Variants in GRIP1 observed in about 807,000 individuals in gnomAD.
The protein encoded by GRIP1 is glutamate receptor interacting protein 1.
A neutral mutation model predicts 129.9 loss-of-function variants in GRIP1; 45 were observed. The observed-to-expected ratio is 0.35, with a 90% CI of 0.27 to 0.44. The LOEUF (loss-of-function observed/expected upper bound fraction) is 0.44. Among genes scored for constraint, GRIP1 ranks in the 20% least tolerant of loss-of-function variants. GRIP1 has a pLI of 1.00. For missense variants in GRIP1, 1,196 were observed against 1,396.8 expected, an observed-to-expected ratio of 0.86 and a Z score of 2.29; for synonymous variants, 530 against 520.8, an observed-to-expected ratio of 1.02 and a Z score of -0.24.
chr12:66,581,632 C>G (rs554361728), intron 2 of GRIP1, among the ~76,000 whole-genome samples: 1 of 148,296 alleles, frequency 6.7e-6, no homozygotes, highest in Admixed American at 6.7e-5. Flanking sequence ...AACACCTCTA[C>G]GCAAATAAAC....
intron 1 of GRIP1, among the ~76,000 whole-genome samples, chr12:66,859,496 C>A (rs993920822): frequency 6.6e-6 from 1 of 151,640 alleles, no homozygotes; most frequent in Non-Finnish European, 1.5e-5. Context: ...ATAAATAATA[C>A]AAGTAGAAAA....
At chr12:66,365,184 C>A (rs1266035916) in intron 23 of GRIP1, among the ~76,000 whole-genome samples, 3 of 152,064 alleles carry the variant, frequency 2.0e-5, no homozygotes, top group Non-Finnish European at 2.9e-5. Flanking sequence ...GCCTGTAATC[C>A]CAGCACTTTG....
chr12:66,854,802 AAGTC>A (rs1264124273), intron 1 of GRIP1, among the ~76,000 whole-genome samples: 1 of 152,046 alleles, frequency 6.6e-6, no homozygotes, highest in East Asian at 1.9e-4. Flanking sequence ...ATTAAGATAG[AAGTC>A]AGTGTTGATA....
At chr12:67,012,902 AAC>A (rs1344129374) in intron 1 of GRIP1, among the ~76,000 whole-genome samples, 2 of 152,196 alleles carry the variant, frequency 1.3e-5, no homozygotes, top group Non-Finnish European at 2.9e-5. Context: ...TGTCTCTGAA[AAC>A]AGTCATTTTT....
intron 1 of GRIP1, among the ~76,000 whole-genome samples, chr12:66,925,762 A>G (rs573829697): frequency 3.4e-4 from 52 of 152,262 alleles, no homozygotes; most frequent in African/African-American, 1.1e-3. Flanking sequence ...CTCCTACCTC[A>G]GCCTCCCAAG....
intron 7 of GRIP1, among the ~76,000 whole-genome samples, chr12:66,513,160 A>T (rs1360765530): frequency 2.6e-5 from 4 of 152,072 alleles, no homozygotes; most frequent in Admixed American, 2.0e-4. Context: ...TGTTTCAGGC[A>T]TTTTATCCTC....
chr12:66,978,210 A>C (rs1238901070), intron 1 of GRIP1, among the ~76,000 whole-genome samples: 1 of 151,464 alleles, frequency 6.6e-6, no homozygotes, highest in Non-Finnish European at 1.5e-5. Flanking sequence ...AATAGACTCA[A>C]CTCTGGGAAT....
intron 1 of GRIP1, among the ~76,000 whole-genome samples, chr12:66,924,596 C>T (rs2041265685): frequency 6.6e-6 from 1 of 152,156 alleles, no homozygotes; most frequent in Admixed American, 6.6e-5. Context: ...TTATCTTGTT[C>T]TGAACTGGCT....
intron 1 of GRIP1, among the ~76,000 whole-genome samples, chr12:67,023,065 A>T (rs562763070): frequency 6.6e-6 from 1 of 152,176 alleles, no homozygotes; most frequent in African/African-American, 2.4e-5. Context: ...AGGATCAGAT[A>T]TATGTTTCAC....
At chr12:66,727,409 C>T (rs747855636) in intron 1 of GRIP1, among the ~76,000 whole-genome samples, 5 of 152,206 alleles carry the variant, frequency 3.3e-5, no homozygotes, top group Admixed American at 6.5e-5. Context: ...AGTCCTCTTG[C>T]TCTTGGGCCA....
chr12:66,392,838 G>T (rs1191567707), intron 17 of GRIP1, 22 bp from the exon 18 acceptor site: 1 of 1,609,948 alleles, frequency 6.2e-7, no homozygotes. Context: ...AATAGTAATA[G>T]GAGAGGTAGA....
intron 1 of GRIP1, among the ~76,000 whole-genome samples, chr12:67,059,143 C>G (rs867603736): frequency 6.6e-6 from 1 of 152,210 alleles, no homozygotes; most frequent in Non-Finnish European, 1.5e-5. Flanking sequence ...ACAGGTGGAA[C>G]TGAGCACACC....
chr12:66,458,814 C>T (rs751568864), intron 9 of GRIP1, among the ~76,000 whole-genome samples: 2 of 152,202 alleles, frequency 1.3e-5, no homozygotes, highest in Non-Finnish European at 2.9e-5. Context: ...TAGAACAAGT[C>T]AGGTTCCTTC....
intron 1 of GRIP1, among the ~76,000 whole-genome samples, chr12:66,637,061 A>G (rs940672007): frequency 6.6e-6 from 1 of 152,142 alleles, no homozygotes; most frequent in Non-Finnish European, 1.5e-5. Context: ...CCCATAACCC[A>G]GCCAGGCCGC....
intron 2 of GRIP1, among the ~76,000 whole-genome samples, chr12:66,545,717 T>C (rs1394938761): frequency 6.6e-6 from 1 of 152,188 alleles, no homozygotes; most frequent in East Asian, 1.9e-4. Flanking sequence ...ATTCCTGCCA[T>C]CTAAGAACTA....
chr12:66,486,792 ATT>A (rs34841524), intron 7 of GRIP1, among the ~76,000 whole-genome samples: 76 of 149,294 alleles, frequency 5.1e-4, no homozygotes, highest in Admixed American at 6.7e-4. Flanking sequence ...GCAGGTCTCA[ATT>A]TTTTTTTTTT....
chr12:66,354,309 C>T lies in GRIP1; in HGVS notation c.3013-746G>A, dbSNP rs547238821. Among the ~76,000 whole-genome samples the T allele has an allele frequency of 1.1e-4, 16 of 152,344 alleles. No homozygotes were observed. In the South Asian group the frequency reaches 1.9e-3, roughly 18 times the overall value. ...CAGCCCTCACTCCTTCACCTGACCACCTGCGAGTGTTCATCTGAGGCTAAA... is the reference window on the plus strand; with the variant it reads ...CAGCCCTCACTCCTTCACCTGACCATCTGCGAGTGTTCATCTGAGGCTAAA... On this transcript the variant is annotated intron_variant, in intron 23 of 24. Coordinates refer to ENST00000359742, the MANE Select transcript of GRIP1 (RefSeq NM_001366722.1).
At chr12:66,735,096 A>G (rs61926139) in intron 1 of GRIP1, among the ~76,000 whole-genome samples, 24,916 of 152,148 alleles carry the variant, frequency 0.16, 2,226 homozygotes, top group Non-Finnish European at 0.19. Context: ...GGACAAAGAA[A>G]TGCTCAAATG....
At chr12:66,531,422 A>C (rs1192574676) in intron 4 of GRIP1, among the ~76,000 whole-genome samples, 1 of 151,636 alleles carries the variant, frequency 6.6e-6, no homozygotes, top group Admixed American at 6.6e-5. Context: ...GGCTTTAATT[A>C]CAATTATTTT....
Sources: allele counts gnomAD v4.1 joint callset (sites outside exome capture counted in the v4.1 genomes callset), GRCh38; gene constraint gnomAD v4.1.1; transcripts MANE v1.5; gene names NCBI Gene and HGNC (gene_info 2026-07-23, HGNC 2026-07-21).